SUPT3H: variants seen among roughly 807,000 people sequenced by gnomAD.
SUPT3H encodes SPT3 homolog, SAGA and STAGA complex component.
In SUPT3H, 44 loss-of-function variants were observed where a neutral mutation model predicts 44.3. The ratio of observed to expected loss-of-function variants is 0.99; its 90% CI spans 0.78 to 1.28. SUPT3H has a LOEUF of 1.28. SUPT3H is among the 50% of genes most tolerant of loss of function. The pLI, the probability that SUPT3H is intolerant of heterozygous loss-of-function variation, is 0.00. For missense variants in SUPT3H, 380 were observed against 387.1 expected (o/e 0.98, Z 0.15); for synonymous variants, 124 against 125.6 (o/e 0.99, Z 0.09).
At chr6:45,362,560 C>A (rs1414398093) in intron 2 of SUPT3H, among the ~76,000 whole-genome samples, 1 of 152,066 alleles carries the variant, frequency 6.6e-6, no homozygotes, top group African/African-American at 2.4e-5. Flanking sequence ...AATAGAAATA[C>A]CAGTAAATTT....
chr6:45,266,937 A>G (rs1775352979), intron 2 of SUPT3H, among the ~76,000 whole-genome samples: 1 of 152,134 alleles, frequency 6.6e-6, no homozygotes, highest in Non-Finnish European at 1.5e-5. Context: ...AACTGACCTC[A>G]TGTGACAGGT....
At position 44,835,215 on chromosome 6, in the gene SUPT3H, T is replaced by C. The variant is rs544254299; in HGVS notation, c.913-5358A>G. ...CTGATTTTGGGTTGAGCAAATAATA[T>C]GGCCTGCGTGGAGCTGTTTGGAGTT... On this transcript the variant is annotated intron_variant, in intron 10 of 10. Coordinates refer to ENST00000371459, the MANE Select transcript of SUPT3H (RefSeq NM_003599.4). 2.6e-5 allele frequency among the ~76,000 whole-genome samples: 4 copies of C among 152,208 alleles called. No individual in the cohort carries two copies. The South Asian group carries it at 6.2e-4, about 24-fold the overall frequency.
At chr6:45,012,141 ATTTC>A (rs1305991016) in intron 5 of SUPT3H, among the ~76,000 whole-genome samples, 2 of 147,240 alleles carry the variant, frequency 1.4e-5, no homozygotes, top group East Asian at 4.0e-4. Flanking sequence ...CTTAGTGTAG[ATTTC>A]TTTATGTTTA....
intron 2 of SUPT3H, among the ~76,000 whole-genome samples, chr6:45,261,948 G>A (rs1164121786): frequency 6.6e-6 from 1 of 151,962 alleles, no homozygotes; most frequent in Non-Finnish European, 1.5e-5. Flanking sequence ...CAAGCTGAAA[G>A]CCAAATAAAA....
intron 3 of SUPT3H, among the ~76,000 whole-genome samples, chr6:45,021,153 C>T (rs1000708984): frequency 4.6e-5 from 7 of 151,824 alleles, no homozygotes; most frequent in African/African-American, 1.7e-4. Flanking sequence ...AGGATTCAGT[C>T]CATAAATCAT....
At chr6:44,975,309 A>C (rs536512833) in intron 6 of SUPT3H, among the ~76,000 whole-genome samples, 1 of 152,356 alleles carries the variant, frequency 6.6e-6, no homozygotes, top group South Asian at 2.1e-4. Context: ...AAGTATTCTA[A>C]CTAACGAACT....
At chr6:44,904,120 C>CA (rs1293423190) in intron 10 of SUPT3H, among the ~76,000 whole-genome samples, 1 of 152,138 alleles carries the variant, frequency 6.6e-6, no homozygotes, top group Non-Finnish European at 1.5e-5. Flanking sequence ...AAAACTGGCA[C>CA]AAGACAGGGA....
At chr6:45,338,511 ACTG>A (rs1789090242) in intron 2 of SUPT3H, among the ~76,000 whole-genome samples, 1 of 152,146 alleles carries the variant, frequency 6.6e-6, no homozygotes, top group Non-Finnish European at 1.5e-5. Flanking sequence ...CTACAAGAGC[ACTG>A]ATTTCAGGTA....
At chr6:45,218,443 C>T (rs915265129) in intron 2 of SUPT3H, among the ~76,000 whole-genome samples, 1 of 152,110 alleles carries the variant, frequency 6.6e-6, no homozygotes, top group African/African-American at 2.4e-5. Context: ...GATGAAAGTA[C>T]TAGTGGCCGG....
At chr6:45,185,187 C>G (rs977732057) in intron 2 of SUPT3H, among the ~76,000 whole-genome samples, 1 of 152,156 alleles carries the variant, frequency 6.6e-6, no homozygotes, top group Non-Finnish European at 1.5e-5. Flanking sequence ...TCCATCCTGA[C>G]CCAGCAGCAA....
At chr6:45,090,887 C>A (rs1797045321) in intron 3 of SUPT3H, among the ~76,000 whole-genome samples, 1 of 151,830 alleles carries the variant, frequency 6.6e-6, no homozygotes, top group Non-Finnish European at 1.5e-5. Flanking sequence ...TCAAATCTTA[C>A]ATCGAGTCTA....
At chr6:44,916,872 G>A (rs1394890531) in intron 10 of SUPT3H, among the ~76,000 whole-genome samples, 1 of 152,148 alleles carries the variant, frequency 6.6e-6, no homozygotes, top group Non-Finnish European at 1.5e-5. Context: ...AGAGGCTCAT[G>A]TCTGTAATTT....
chr6:45,288,582 T>C (rs1227046174), intron 2 of SUPT3H, among the ~76,000 whole-genome samples: 9 of 32,082 alleles, frequency 2.8e-4, no homozygotes, highest in Non-Finnish European at 5.4e-4. Flanking sequence ...TATATATATA[T>C]GTATATATAT....
intron 10 of SUPT3H, among the ~76,000 whole-genome samples, chr6:44,843,147 G>A (rs115015967): frequency 0.011 from 1,627 of 152,200 alleles, 35 homozygotes; most frequent in African/African-American, 0.037. Flanking sequence ...ATTATAAATT[G>A]TTTTATATCG....
intron 2 of SUPT3H, among the ~76,000 whole-genome samples, chr6:45,253,848 C>CATATATATATAT (rs34256293): frequency 0.021 from 1,882 of 88,632 alleles, 77 homozygotes; most frequent in African/African-American, 0.028. Context: ...CACATATACG[C>CATATATATATAT]ATATATATAT....
chr6:45,159,622 T>C (rs1318905550), intron 2 of SUPT3H: 1 of 152,194 alleles, frequency 6.6e-6, no homozygotes, highest in African/African-American at 2.4e-5. Context: ...CTGTTTTAAA[T>C]AAATTATAAA....
intron 10 of SUPT3H, among the ~76,000 whole-genome samples, chr6:44,902,326 A>T (rs1765211119): frequency 6.6e-6 from 1 of 152,174 alleles, no homozygotes; most frequent in Non-Finnish European, 1.5e-5. Context: ...GGGATGGAAG[A>T]AGATCTACCA....
At chr6:44,860,146 T>TG (rs1345065380) in intron 10 of SUPT3H, among the ~76,000 whole-genome samples, 2 of 152,220 alleles carry the variant, frequency 1.3e-5, no homozygotes. Context: ...GATAAGGTCG[T>TG]GGGGAATTTA....
intron 2 of SUPT3H, among the ~76,000 whole-genome samples, chr6:45,244,163 C>T (rs1248122969): frequency 6.6e-6 from 1 of 152,184 alleles, no homozygotes; most frequent in Admixed American, 6.5e-5. Context: ...AGGCATGAGC[C>T]ATGGCATCTG....
Sources: gnomAD v4.1 joint callset for allele counts (sites outside exome capture counted in the v4.1 genomes callset) on GRCh38, gnomAD v4.1.1 for gene constraint, MANE v1.5 for transcripts, NCBI Gene and HGNC (gene_info 2026-07-23, HGNC 2026-07-21) for gene names.